ANKRD11: variants seen among roughly 807,000 people sequenced by gnomAD.
The protein encoded by ANKRD11 is ankyrin repeat domain 11, also known as ankyrin repeat domain-containing protein 11.
ANKRD11 carries 17 observed loss-of-function variants against 195.7 expected under a neutral mutation model. The observed-to-expected ratio is 0.09, with a 90% confidence interval of 0.06 to 0.13. The LOEUF is 0.13. Among genes scored for constraint, ANKRD11 ranks in the 10% least tolerant of loss-of-function variants. The probability of loss-of-function intolerance (pLI) is 1.00; values close to 1 mark genes in which losing one functional copy is unlikely to be tolerated. For synonymous variants in ANKRD11, 1,953 were observed against 1,528.1 expected, an observed-to-expected ratio of 1.28 and a Z score of -6.49; for missense variants, 3,735 against 3,566.1, an observed-to-expected ratio of 1.05 and a Z score of -1.21.
chr16:89,436,633 C>G (rs919703234), intron 1 of ANKRD11, among the ~76,000 whole-genome samples: 4 of 152,218 alleles, frequency 2.6e-5, no homozygotes, highest in Non-Finnish European at 5.9e-5. Context: ...CATCAGAGCT[C>G]TTCTTCCTGG....
Position 89,282,344 on chromosome 16 carries a change from C to T in ANKRD11, c.4198G>A (p.Asp1400Asn), listed in dbSNP as rs2034327001. ...ATGTTGTAAGAAACTCCGTAAGCAT[C>T]CGCCTCCAGGAAGTCCTTTTCGTAC... Reference protein sequence around the residue: ...GQYEKDFLEADAYGVSYNMKA... With the variant: ...GQYEKDFLEANAYGVSYNMKA... The change falls in exon 9 of 13, where the codon GAT (aspartate) becomes AAT (asparagine). Residue 1400 changes from aspartate (D) to asparagine (N), a missense_variant. Asp to Asn is a conservative substitution (Grantham distance 23). Coordinates refer to ENST00000301030, the MANE Select transcript of ANKRD11 (RefSeq NM_013275.6). 1.2e-6 allele frequency: 2 copies of T among 1,614,220 alleles called. No individual in the cohort carries two copies. The highest frequency in any genetic ancestry group is 1.3e-5 in the African/African-American group (1 of 75,046).
In ANKRD11 at chr16:89,284,219, T is replaced by G; in HGVS notation, c.2323A>C (p.Lys775Gln). ...RKKKSKDRPSKLEKKNDLKED... is the reference protein window; with the variant it reads ...RKKKSKDRPSQLEKKNDLKED... Reference sequence around the variant, plus strand: ...TTTAAATCATTCTTCTTCTCTAATTTTGAGGGCCGGTCTTTTGATTTCTTC... The same window carrying G: ...TTTAAATCATTCTTCTTCTCTAATTGTGAGGGCCGGTCTTTTGATTTCTTC... Residue 775 changes from lysine to glutamine, a missense_variant, in exon 9 of 13, where the codon AAA (lysine) becomes CAA (glutamine). Transcript: ENST00000301030. The G allele has an allele frequency of 6.2e-7, 1 of 1,612,624 alleles. No homozygotes were observed. The highest frequency in any genetic ancestry group is 1.1e-5 in the South Asian group (1 of 90,272).
chr16:89,295,749 G>A (rs1332751451), intron 4 of ANKRD11, among the ~76,000 whole-genome samples: 2 of 149,230 alleles, frequency 1.3e-5, no homozygotes, highest in African/African-American at 5.0e-5. Flanking sequence ...GATGTGACGC[G>A]CCTGGGGGTG....
rs186399438 is a variant in ANKRD11 at position 89,375,243 on chromosome 16, C to A, written c.-60+43041G>T. Among the ~76,000 whole-genome samples, 239 of 152,256 alleles carry A rather than the reference C, an allele frequency of 1.6e-3. 2 individuals carry two copies. Among genetic ancestry groups the A allele is most frequent in the African/African-American group, 5.6e-3 (234 of 41,558 alleles). On this transcript the variant is annotated intron_variant, in intron 2 of 12. Coordinates refer to ENST00000301030, the MANE Select transcript of ANKRD11 (RefSeq NM_013275.6). ...AAACACCGTGTGACACTAATCGTCT[C>A]CGCGTGAGCAGCTGGTCTCTCCAGA...
rs770511968 is a variant in ANKRD11, at chr16:89,281,312, G to C, written c.5230C>G (p.His1744Asp). Reference protein sequence around the residue: ...DLVFDCADSQHSTPVPTAPTS... With the variant: ...DLVFDCADSQDSTPVPTAPTS... ...GGAGCGGTGGGCACGGGCGTGGAGT[G>C]CTGCGAGTCGGCGCAGTCGAACACG... is the stretch of plus-strand genomic sequence containing the variant. Residue 1744 changes from histidine to aspartate, a missense_variant, in exon 9 of 13, where the codon CAC becomes GAC. By Grantham distance (81) the His-to-Asp change is moderately conservative (BLOSUM62 -1). Transcript: ENST00000301030. This position sits in a 1 kb window ranked among gnomAD's most constrained non-coding sequence, Gnocchi z 5.5. 6.4e-5 allele frequency: 103 copies of C among 1,614,012 alleles called. 1 individual carries two copies. The Middle Eastern group carries it at 6.6e-4, about 10-fold the overall frequency.
chr16:89,273,196 TGAG>T (rs149834033), intron 11 of ANKRD11, among the ~76,000 whole-genome samples: 54 of 152,274 alleles, frequency 3.5e-4, no homozygotes, highest in African/African-American at 1.3e-3. Context: ...GCTAAATGCT[TGAG>T]GGGATGGACA....
At chr16:89,485,337 A>C (rs1040064296) in intron 1 of ANKRD11, among the ~76,000 whole-genome samples, 2 of 151,774 alleles carry the variant, frequency 1.3e-5, no homozygotes, top group African/African-American at 4.8e-5. Flanking sequence ...AAAAAAAAAA[A>C]AAAAACACTA....
At chr16:89,398,967 T>C (rs1302652054) in intron 2 of ANKRD11, among the ~76,000 whole-genome samples, 1 of 152,062 alleles carries the variant, frequency 6.6e-6, no homozygotes, top group Non-Finnish European at 1.5e-5. Flanking sequence ...ACTCCCATCA[T>C]CCCTCTCTCC....
At chr16:89,409,726 G>C (rs1451357117) in intron 2 of ANKRD11, among the ~76,000 whole-genome samples, 1 of 152,164 alleles carries the variant, frequency 6.6e-6, no homozygotes, top group African/African-American at 2.4e-5. Context: ...TTAGAATACA[G>C]TATTACTAGG....
chr16:89,476,065 AAG>A (rs1418751949), intron 1 of ANKRD11, among the ~76,000 whole-genome samples: 3 of 151,954 alleles, frequency 2.0e-5, no homozygotes, highest in Non-Finnish European at 4.4e-5. Flanking sequence ...AAAAAAAAAA[AAG>A]AAAAAGAAAA....
chr16:89,288,941 A>C (rs2034841253), intron 6 of ANKRD11: 1 of 556,654 alleles, frequency 1.8e-6, no homozygotes, highest in Non-Finnish European at 3.2e-6. Context: ...ATCACCCTAA[A>C]AGGGTAGGAA....
At chr16:89,398,455 T>G (rs34742787) in intron 2 of ANKRD11, among the ~76,000 whole-genome samples, 1 of 90,608 alleles carries the variant, frequency 1.1e-5, no homozygotes, top group Non-Finnish European at 2.5e-5. Flanking sequence ...CAGCTGAAGA[T>G]TACCTGTAAC....
intron 2 of ANKRD11, among the ~76,000 whole-genome samples, chr16:89,336,654 G>C (rs1306086733): frequency 4.6e-5 from 7 of 152,138 alleles, no homozygotes; most frequent in Non-Finnish European, 7.4e-5. Context: ...ACACCCCCCG[G>C]GTGGGCCACG....
At chr16:89,362,457 T>G (rs1382863812) in intron 2 of ANKRD11, among the ~76,000 whole-genome samples, 1 of 152,200 alleles carries the variant, frequency 6.6e-6, no homozygotes, top group Non-Finnish European at 1.5e-5. Flanking sequence ...TGAACAGCAC[T>G]GAAGCCGGAA....
chr16:89,315,878 C>T (rs903395042), intron 3 of ANKRD11, among the ~76,000 whole-genome samples: 23 of 152,172 alleles, frequency 1.5e-4, no homozygotes, highest in African/African-American at 4.6e-4. Flanking sequence ...CACACCAAAC[C>T]CACAACATGA....
chr16:89,281,623 T>C lies in ANKRD11; in HGVS notation c.4919A>G (p.Lys1640Arg). 2 of 1,614,212 alleles carry C rather than the reference T, an allele frequency of 1.2e-6. No homozygotes were observed. Among genetic ancestry groups the C allele is most frequent in the Non-Finnish European group, 1.7e-6 (2 of 1,180,034 alleles). Residue 1640 changes from lysine (K) to arginine (R), a missense_variant, in exon 9 of 13, where the codon AAG becomes AGG. By Grantham distance (26) the Lys-to-Arg change is conservative (BLOSUM62 2). Coordinates refer to ENST00000301030, the MANE Select transcript of ANKRD11 (RefSeq NM_013275.6). This position sits in a 1 kb window ranked among gnomAD's most constrained non-coding sequence, Gnocchi z 5.5. ...GRKKGLDIPA[K>R]KPPGLDPPFK... is the part of the protein sequence containing the mutation. ...TGGAGGGTCCAGCCCCGGCGGTTTCTTAGCAGGAATGTCCAGACCCTTCTT... is the reference window on the plus strand; with the variant it reads ...TGGAGGGTCCAGCCCCGGCGGTTTCCTAGCAGGAATGTCCAGACCCTTCTT...
chr16:89,425,765 A>G (rs560100559), intron 1 of ANKRD11, among the ~76,000 whole-genome samples: 1 of 152,228 alleles, frequency 6.6e-6, no homozygotes, highest in South Asian at 2.1e-4. Context: ...AGTGAAAGAG[A>G]AGGCTCCAGG....
chr16:89,274,314 C>G (rs1449644883), intron 11 of ANKRD11, among the ~76,000 whole-genome samples: 1 of 152,182 alleles, frequency 6.6e-6, no homozygotes, highest in Admixed American at 6.5e-5. Flanking sequence ...GTCCGGCCCG[C>G]CCTGGCCCAG....
intron 1 of ANKRD11, among the ~76,000 whole-genome samples, chr16:89,435,633 C>A (rs530311427): frequency 6.6e-6 from 1 of 152,242 alleles, no homozygotes; most frequent in East Asian, 1.9e-4. Flanking sequence ...GGGTCCACAG[C>A]TTCATTCTTG....
Sources: allele counts gnomAD v4.1 joint callset (sites outside exome capture counted in the v4.1 genomes callset), GRCh38; gene constraint gnomAD v4.1.1; non-coding constraint Gnocchi (gnomAD v3.1); transcripts MANE v1.5; gene names NCBI Gene and HGNC (gene_info 2026-07-23, HGNC 2026-07-21).